The following PDE1B variants were observed in gnomAD, a reference collection of about 807,000 sequenced individuals.
The protein encoded by PDE1B is dual specificity calcium/calmodulin-dependent 3',5'-cyclic nucleotide phosphodiesterase 1B.
Under a neutral mutation model 66.7 loss-of-function variants are expected in PDE1B, and 13 were observed. The ratio of observed to expected loss-of-function variants is 0.19; its 90% CI spans 0.13 to 0.31. The LOEUF (loss-of-function observed/expected upper bound fraction) is 0.31. Ranked by LOEUF, PDE1B falls within the 10% of genes least tolerant of loss-of-function variation. The pLI, the probability that PDE1B is intolerant of heterozygous loss-of-function variation, is 1.00. For missense variants in PDE1B, 485 were observed against 682.3 expected, an observed-to-expected ratio of 0.71 and a Z score of 3.22; for synonymous variants, 230 against 253.9, an observed-to-expected ratio of 0.91 and a Z score of 0.90.
chr12:54,575,231 C>T lies in PDE1B; in HGVS notation c.1185+13C>T, dbSNP rs1957712197. ...ATTCTTCCGTCAGGTAGCGTGGCAT[C>T]TTTGCCTTCCCTGTGCCTATGGGGG... On this transcript the variant is annotated intron_variant, in intron 11 of 15. Coordinates refer to ENST00000243052, the MANE Select transcript of PDE1B (RefSeq NM_000924.4). This position sits in a 1 kb window ranked among gnomAD's most constrained non-coding sequence, Gnocchi z 4.0. The T allele has an allele frequency of 2.5e-6, 4 of 1,612,020 alleles. No homozygotes were observed. The African/African-American group carries it at 4.0e-5, about 16-fold the overall frequency.
In PDE1B at chr12:54,577,230, A is replaced by G. The variant is rs1248049794; in HGVS notation, c.1513A>G (p.Thr505Ala). The change falls in exon 15 of 16, where the codon ACC (threonine) becomes GCC (alanine). Residue 505 changes from threonine (T) to alanine (A), a missense_variant. Physicochemically the swap from Thr to Ala is moderately conservative, Grantham distance 58. Transcript: ENST00000243052. ...TCCTTTATGCTCCTCTACAGGCATC[A>G]CCAACCAGATGTCCATTGACGAGCT... is the stretch of plus-strand genomic sequence containing the variant. ...KWKERAASGI[T>A]NQMSIDELSP... 14 of 1,613,662 alleles carry G rather than the reference A, an allele frequency of 8.7e-6. No individual in the cohort carries two copies. Among genetic ancestry groups the G allele is most frequent in the Non-Finnish European group, 1.1e-5 (13 of 1,179,714 alleles).
chr12:54,551,230 A>G (rs1490075890), intron 2 of PDE1B, among the ~76,000 whole-genome samples: 1 of 152,212 alleles, frequency 6.6e-6, no homozygotes, highest in Non-Finnish European at 1.5e-5. Flanking sequence ...TGATAAGATG[A>G]CACCTTTTTA....
chr12:54,562,010 C>T (rs1283106212), intron 2 of PDE1B, among the ~76,000 whole-genome samples: 2 of 152,144 alleles, frequency 1.3e-5, no homozygotes, highest in Non-Finnish European at 2.9e-5. Context: ...TAGAATTCTT[C>T]TCTTGACTCC....
chr12:54,563,500 A>G (rs940352191), intron 2 of PDE1B, among the ~76,000 whole-genome samples: 3 of 152,134 alleles, frequency 2.0e-5, no homozygotes, highest in Non-Finnish European at 2.9e-5. Context: ...TCTTTCTCCC[A>G]TTTCCTCTGT....
intron 2 of PDE1B, among the ~76,000 whole-genome samples, chr12:54,559,501 T>C (rs1378260665): frequency 6.6e-6 from 1 of 151,966 alleles, no homozygotes; most frequent in South Asian, 2.1e-4. Context: ...TGTATATGTG[T>C]GTGTAAGTGT....
At chr12:54,550,064 G>T in intron 2 of PDE1B, 79 bp downstream of exon 2, 1 of 1,529,630 alleles carries the variant, frequency 6.5e-7, no homozygotes. Flanking sequence ...AACTGGAGCA[G>T]GGCTGTGGGC....
intron 6 of PDE1B, chr12:54,571,886 A>G (rs555198829): frequency 2.0e-5 from 3 of 152,028 alleles, no homozygotes; most frequent in Non-Finnish European, 4.4e-5. Context: ...CTCTACAGAA[A>G]CCTCCCGAGT....
Position 54,575,020 on chromosome 12 carries a change from G to C in PDE1B, c.1065-78G>C. 1 of 1,212,098 alleles carries C rather than the reference G, an allele frequency of 8.3e-7. No individual in the cohort carries two copies. Among genetic ancestry groups the C allele is most frequent in the Non-Finnish European group, 1.2e-6 (1 of 840,070 alleles). 75.1% of individuals were successfully genotyped at this position (1,212,098 alleles called of 1,614,324 possible). ...GAAGAAGTTATGTGATAGGGTGTGC[G>C]TGGGAAGTTAGGGAATGGTCCTAAC... On this transcript the variant is annotated intron_variant, in intron 10 of 15. Transcript: ENST00000243052. This position sits in a 1 kb window ranked among gnomAD's most constrained non-coding sequence, Gnocchi z 4.0.
At position 54,561,472 on chromosome 12, in the gene PDE1B, CT is replaced by C. The variant is rs998156869; in HGVS notation, c.114-5501del. The C allele has an allele frequency of 8.4e-5, 114 of 1,363,258 alleles. 2 individuals carry two copies. The Admixed American group carries it at 3.3e-3, about 40-fold the overall frequency. The allele number at this position is 1,363,258 out of a possible 1,614,324, so 84.4% of individuals were successfully genotyped here. On this transcript the variant is annotated intron_variant, in intron 2 of 15. Transcript: ENST00000243052. ...CTCTCTGGTCAGTTGCTCAGTTCTA[CT>C]GGGACCTGGAGGAGGAAGGCAGGGG...
rs1367133556 is a variant in PDE1B, at chr12:54,570,559, G to C, written c.594+202G>C. On this transcript the variant is annotated intron_variant, in intron 6 of 15. Coordinates refer to ENST00000243052, the MANE Select transcript of PDE1B (RefSeq NM_000924.4). ...CCAGACTTCATTAATTGATTTCTAG[G>C]GGGAGATTCTCGGTCTGCAACCATC... 9 of 562,210 alleles carry C rather than the reference G, an allele frequency of 1.6e-5. No homozygotes were observed. In the East Asian group the frequency reaches 2.6e-4, roughly 16 times the overall value. The allele number at this position is 562,210 out of a possible 1,614,324, so 34.8% of individuals were successfully genotyped here.
intron 2 of PDE1B, among the ~76,000 whole-genome samples, chr12:54,559,659 C>T (rs1383878436): frequency 6.6e-6 from 1 of 152,174 alleles, no homozygotes; most frequent in Admixed American, 6.5e-5. Context: ...GTCCAACCAG[C>T]TTTGGTTCTA....
Position 54,569,618 on chromosome 12 carries a change from C to T in PDE1B, c.477+6C>T. 1 of 1,607,904 alleles carries T rather than the reference C, an allele frequency of 6.2e-7. No individual in the cohort carries two copies. Among genetic ancestry groups the T allele is most frequent in the South Asian group, 1.1e-5 (1 of 90,950 alleles). ...CGGTTCTCAACTGTCTCAAGGTAAT[C>T]TCTGGGTTTTTGGGAAAGAGGAGAA... On this transcript the variant is annotated splice_donor_region_variant and intron_variant, in intron 5 of 15. Coordinates refer to ENST00000243052, the MANE Select transcript of PDE1B (RefSeq NM_000924.4). This position sits in a 1 kb window ranked among gnomAD's most constrained non-coding sequence, Gnocchi z 4.4.
rs117119116 is a variant in PDE1B at position 54,573,017 on chromosome 12, G to C, written c.736-131G>C. ...GCCATTTCAGGAGCTGAGAAACCTG[G>C]CTGCATTAACCAAGAGCTGGCCTGG... On this transcript the variant is annotated intron_variant, in intron 7 of 15. Transcript: ENST00000243052. The surrounding 1 kb of genome is among the most constrained non-coding windows in gnomAD (Gnocchi z 5.2). 0.014 allele frequency: 10,711 copies of C among 738,928 alleles called. 94 individuals carry two copies. Among genetic ancestry groups the C allele is most frequent in the Middle Eastern group, 0.03 (78 of 2,644 alleles). The allele number at this position is 738,928 out of a possible 1,614,324, so 45.8% of individuals were successfully genotyped here.
Position 54,577,786 on chromosome 12 carries a change from G to A in PDE1B, c.*18-74G>A, listed in dbSNP as rs148842239. The A allele has an allele frequency of 4.5e-4, 185 of 415,278 alleles. 4 individuals carry two copies. In the South Asian group the frequency reaches 5.0e-3, roughly 11 times the overall value. 25.7% of individuals were successfully genotyped at this position (415,278 alleles called of 1,614,324 possible). ...CTACTCGGGACTGAGTGGGGATCAG[G>A]ACTTGGAGAAGGAAGGTCAGGTTGG... On this transcript the variant is annotated intron_variant, in intron 15 of 15. Transcript: ENST00000243052.
Position 54,569,431 on chromosome 12 carries a change from G to A in PDE1B, c.410+65G>A, listed in dbSNP as rs888629424. On this transcript the variant is annotated intron_variant, in intron 4 of 15. Transcript: ENST00000243052. The surrounding 1 kb of genome is among the most constrained non-coding windows in gnomAD (Gnocchi z 4.4). The stretch of plus-strand genomic sequence containing the variant: ...TGTGCCCCTCTTTCCCAGCCACCCT[G>A]GTCTTCCATGACCACCAGCCATATG... 1 of 1,589,342 alleles carries A rather than the reference G, an allele frequency of 6.3e-7. No homozygotes were observed. Among genetic ancestry groups the A allele is most frequent in the African/African-American group, 1.3e-5 (1 of 74,532 alleles).
intron 2 of PDE1B, 24 bp downstream of exon 2, chr12:54,550,009 G>A: frequency 6.2e-7 from 1 of 1,612,022 alleles, no homozygotes; most frequent in Non-Finnish European, 8.5e-7. Flanking sequence ...CCGGGAATGG[G>A]GGGAAGGGAC....
chr12:54,556,223 G>A (rs1957340286), intron 2 of PDE1B, among the ~76,000 whole-genome samples: 1 of 152,198 alleles, frequency 6.6e-6, no homozygotes, highest in Non-Finnish European at 1.5e-5. Flanking sequence ...AGGTGGGGTG[G>A]AAGTGAGACA....
chr12:54,549,616 CGGCGGTAGCGGCAGCAGCAGCGGCGGT>C lies in PDE1B; in HGVS notation c.-168_-142del. On this transcript the variant is annotated 5_prime_UTR_variant, in exon 1 of 16. Transcript: ENST00000243052. ...CGGCTCTGGCAGCGCGCGGCGGCGG[CGGCGGTAGCGGCAGCAGCAGCGGCGGT>C]GCGGAGAGCTTGGACTGGGAGCCCA... is the stretch of plus-strand genomic sequence containing the variant. 1 of 458,180 alleles carries C rather than the reference CGGCGGTAGCGGCAGCAGCAGCGGCGGT, an allele frequency of 2.2e-6. No individual in the cohort carries two copies. The highest frequency in any genetic ancestry group is 3.9e-6 in the Non-Finnish European group (1 of 258,788). 28.4% of individuals were successfully genotyped at this position (458,180 alleles called of 1,614,324 possible). A position where few individuals can be genotyped will look rare whatever the true frequency, so the allele number is the denominator to read the frequency against.
chr12:54,558,057 T>C (rs1957363501), intron 2 of PDE1B, among the ~76,000 whole-genome samples: 1 of 152,138 alleles, frequency 6.6e-6, no homozygotes. Flanking sequence ...GATTATTCCC[T>C]TTCTCGTGTG....
Sources: gnomAD v4.1 joint callset for allele counts (sites outside exome capture counted in the v4.1 genomes callset) on GRCh38, gnomAD v4.1.1 for gene constraint, Gnocchi (gnomAD v3.1) non-coding constraint, MANE v1.5 for transcripts, NCBI Gene and HGNC (gene_info 2026-07-23, HGNC 2026-07-21) for gene names.